The following ZC3H12B variants were observed in gnomAD, a reference collection of about 807,000 sequenced individuals.
ZC3H12B encodes probable ribonuclease ZC3H12B.
In ZC3H12B, 7 loss-of-function variants were observed where a neutral mutation model predicts 43.9. That is an observed-to-expected ratio of 0.16 (90% CI 0.09 to 0.30). ZC3H12B has a LOEUF of 0.30. Among genes scored for constraint, ZC3H12B ranks in the 10% least tolerant of loss-of-function variants. ZC3H12B has a pLI of 1.00. For synonymous variants in ZC3H12B, 222 were observed against 241.7 expected, an observed-to-expected ratio of 0.92 and a Z score of 0.76; for missense variants, 475 against 670.2, an observed-to-expected ratio of 0.71 and a Z score of 3.22.
the ZC3H12B span, among the ~76,000 whole-genome samples, chrX:65,243,456 C>CA: frequency 9.0e-6 from 1 of 111,152 alleles, no homozygotes; most frequent in Admixed American, 9.5e-5. Flanking sequence ...ATCAAGAAGA[C>CA]AAAAAAATAA....
the ZC3H12B span, among the ~76,000 whole-genome samples, chrX:65,230,580 A>T: frequency 9.3e-6 from 1 of 107,275 alleles, no homozygotes; most frequent in Non-Finnish European, 1.9e-5. Context: ...GGACTTATTC[A>T]TATAAACAAA....
the ZC3H12B span, among the ~76,000 whole-genome samples, chrX:65,036,370 A>G: frequency 8.9e-6 from 1 of 111,860 alleles, no homozygotes; most frequent in East Asian, 2.8e-4. Context: ...GGTTTCGTTT[A>G]TCTGATAAGA....
chrX:65,500,420 T>G (rs745663408), intron 4 of ZC3H12B, among the ~76,000 whole-genome samples: 54 of 112,179 alleles, frequency 4.8e-4, no homozygotes, highest in South Asian at 1.1e-3. Context: ...TCCTTTCCAG[T>G]TTTTTTGTTT....
the ZC3H12B span, among the ~76,000 whole-genome samples, chrX:65,192,572 A>G: frequency 9.0e-6 from 1 of 111,341 alleles, no homozygotes; most frequent in Non-Finnish European, 1.9e-5. Context: ...GTTGAATATT[A>G]TCAAATGCTT....
chrX:65,261,430 C>A, the ZC3H12B span, among the ~76,000 whole-genome samples: 2 of 111,134 alleles, frequency 1.8e-5, no homozygotes, highest in Non-Finnish European at 3.8e-5. Flanking sequence ...TCAAAGTACA[C>A]CTTCCACTGA....
chrX:65,442,960 T>C (rs1011428344), intron 3 of ZC3H12B, among the ~76,000 whole-genome samples: 6 of 110,807 alleles, frequency 5.4e-5, no homozygotes, highest in African/African-American at 2.0e-4. Flanking sequence ...CAACTAGTTT[T>C]CACCCAGTGT....
chrX:65,040,292 C>T, the ZC3H12B span, among the ~76,000 whole-genome samples: 16 of 109,634 alleles, frequency 1.5e-4, no homozygotes, highest in Admixed American at 5.9e-4. Flanking sequence ...ATGATTCTTG[C>T]TGAGTTTAAT....
the ZC3H12B span, among the ~76,000 whole-genome samples, chrX:65,347,841 G>A: frequency 8.0e-5 from 9 of 112,254 alleles, no homozygotes; most frequent in African/African-American, 2.6e-4. Flanking sequence ...CAAGCCAAAT[G>A]TCCATCAATG....
chrX:65,227,659 G>C, the ZC3H12B span, among the ~76,000 whole-genome samples: 1 of 111,148 alleles, frequency 9.0e-6, no homozygotes, highest in Non-Finnish European at 1.9e-5. Flanking sequence ...GAAGAAAAGA[G>C]AGAAGAATCA....
the ZC3H12B span, among the ~76,000 whole-genome samples, chrX:65,171,205 T>A: frequency 3.6e-4 from 40 of 111,465 alleles, no homozygotes; most frequent in Middle Eastern, 4.7e-3. Flanking sequence ...GATGGTGAAG[T>A]ACAGGTCGGG....
the ZC3H12B span, among the ~76,000 whole-genome samples, chrX:65,300,814 A>G: frequency 1.8e-5 from 2 of 111,606 alleles, no homozygotes; most frequent in African/African-American, 6.5e-5. Flanking sequence ...ACCCTCACAG[A>G]GTCCACTTCA....
chrX:65,068,348 C>A, the ZC3H12B span, among the ~76,000 whole-genome samples: 1 of 110,220 alleles, frequency 9.1e-6, no homozygotes, highest in South Asian at 3.8e-4. Context: ...ATATGATTTA[C>A]TTTGTTGCTT....
At chrX:65,333,576 A>G in the ZC3H12B span, among the ~76,000 whole-genome samples, 1 of 112,435 alleles carries the variant, frequency 8.9e-6, no homozygotes, top group Non-Finnish European at 1.9e-5. Flanking sequence ...GTCTTCTATT[A>G]GTTCAGTCCA....
upstream of ZC3H12B, among the ~76,000 whole-genome samples, chrX:65,484,123 T>A (rs766419114): frequency 2.3e-4 from 26 of 111,913 alleles, no homozygotes; most frequent in Admixed American, 2.3e-3. Flanking sequence ...AGTAATGGGA[T>A]TGCTGGGTCA....
intron 2 of ZC3H12B, among the ~76,000 whole-genome samples, chrX:65,382,744 C>T (rs927596954): frequency 8.9e-6 from 1 of 111,935 alleles, no homozygotes; most frequent in Non-Finnish European, 1.9e-5. Flanking sequence ...TGATAAGCAA[C>T]TTCAGCAAAG....
intron 3 of ZC3H12B, among the ~76,000 whole-genome samples, chrX:65,450,311 A>G (rs1266048895): frequency 1.1e-5 from 1 of 89,317 alleles, no homozygotes; most frequent in Non-Finnish European, 2.1e-5. Context: ...CTCAAAAAAA[A>G]AATATATATA....
At position 65,430,026 on chromosome X, in the gene ZC3H12B, T is replaced by C. The variant is rs2067135097; in HGVS notation, n.407+31322T>C. Reference sequence around the variant, plus strand: ...AGCCAGGGGTTCTTATCTTGTGAGGTGCCATGGAAAGGGGGCCTGCAGAAT... The same window carrying C: ...AGCCAGGGGTTCTTATCTTGTGAGGCGCCATGGAAAGGGGGCCTGCAGAAT... On this transcript the variant is annotated intron_variant and non_coding_transcript_variant, in intron 3 of 5. Coordinates refer to the ZC3H12B transcript ENST00000617377. Among the ~76,000 whole-genome samples, 3 of 112,186 alleles carry C rather than the reference T, an allele frequency of 2.7e-5. No homozygotes were observed. The Admixed American group carries it at 2.8e-4, about 11-fold the overall frequency.
At chrX:65,161,249 G>T in the ZC3H12B span, among the ~76,000 whole-genome samples, 1 of 111,445 alleles carries the variant, frequency 9.0e-6, no homozygotes, top group Non-Finnish European at 1.9e-5. Flanking sequence ...TTGATTTGGG[G>T]TGGAGAGTTC....
the ZC3H12B span, among the ~76,000 whole-genome samples, chrX:65,219,990 A>G: frequency 9.0e-6 from 1 of 111,471 alleles, no homozygotes; most frequent in Non-Finnish European, 1.9e-5. Context: ...AAAACCTATA[A>G]AATTAACCAC....
Sources: allele counts gnomAD v4.1 joint callset (sites outside exome capture counted in the v4.1 genomes callset), GRCh38; gene constraint gnomAD v4.1.1; transcripts MANE v1.5; gene names NCBI Gene and HGNC (gene_info 2026-07-23, HGNC 2026-07-21).